Variants in MAP2K2 observed in about 807,000 individuals in gnomAD.
The protein encoded by MAP2K2 is dual specificity mitogen-activated protein kinase kinase 2.
A neutral mutation model predicts 43.7 loss-of-function variants in MAP2K2; 24 were observed. That is an observed-to-expected ratio of 0.55 (90% CI 0.40 to 0.77). The LOEUF (loss-of-function observed/expected upper bound fraction) is 0.77, where lower values mean the gene tolerates loss of function less well. MAP2K2 is among the 30% of genes least tolerant of loss of function. The pLI is 0.00. For missense variants in MAP2K2, 470 were observed against 566.8 expected (o/e 0.83, Z 1.73); for synonymous variants, 244 against 239.7 (o/e 1.02, Z -0.17).
chr19:4,092,832 G>A (rs1308439213), intron 10 of MAP2K2, among the ~76,000 whole-genome samples: 1 of 152,178 alleles, frequency 6.6e-6, no homozygotes, highest in Non-Finnish European at 1.5e-5. Flanking sequence ...AGCCCTCTGG[G>A]AGGCCAAGGT....
chr19:4,103,885 G>A (rs1482483919), intron 3 of MAP2K2, among the ~76,000 whole-genome samples: 3 of 152,194 alleles, frequency 2.0e-5, no homozygotes, highest in East Asian at 1.9e-4. Flanking sequence ...GTGCCAGGAC[G>A]GGAGCTCCAG....
chr19:4,104,255 ACTC>A (rs375090707), intron 3 of MAP2K2, among the ~76,000 whole-genome samples: 14 of 136,976 alleles, frequency 1.0e-4, no homozygotes, highest in African/African-American at 3.7e-4. Flanking sequence ...AGAGAGCAAG[ACTC>A]CTCAATTAAA....
chr19:4,102,620 G>T, intron 3 of MAP2K2, 167 bp from the exon 4 acceptor site: 1 of 897,448 alleles, frequency 1.1e-6, no homozygotes, highest in Non-Finnish European at 1.8e-6. Context: ...TGACAGTTCT[G>T]CCTTTGGGTC....
intron 3 of MAP2K2, among the ~76,000 whole-genome samples, chr19:4,105,119 C>T (rs1033147565): frequency 2.0e-5 from 3 of 151,320 alleles, no homozygotes; most frequent in Admixed American, 6.6e-5. Flanking sequence ...ACTGCTGACC[C>T]CAAATCTCAC....
chr19:4,114,407 T>C (rs553378225), intron 2 of MAP2K2, among the ~76,000 whole-genome samples: 1 of 152,278 alleles, frequency 6.6e-6, no homozygotes, highest in East Asian at 1.9e-4. Flanking sequence ...GAGGTGGCCT[T>C]GGGCAGGCCG....
intron 3 of MAP2K2, among the ~76,000 whole-genome samples, chr19:4,107,534 A>C (rs955270166): frequency 2.7e-5 from 4 of 150,794 alleles, no homozygotes; most frequent in African/African-American, 4.9e-5. Context: ...AAAAAAAAAA[A>C]AAAAAAAAAA....
At chr19:4,096,024 TG>T (rs201650826) in intron 8 of MAP2K2, among the ~76,000 whole-genome samples, 2,789 of 152,276 alleles carry the variant, frequency 0.018, 79 homozygotes, top group African/African-American at 0.064. Context: ...ATCCACCCAC[TG>T]TGGCCTCCCA....
At position 4,117,058 on chromosome 19, in the gene MAP2K2, C is replaced by T. The variant is rs146660571; in HGVS notation, c.303+361G>A. 4.6e-5 allele frequency among the ~76,000 whole-genome samples: 7 copies of T among 152,360 alleles called. No homozygotes were observed. The East Asian group carries it at 1.4e-3, about 29-fold the overall frequency. ...GAGCCATCGCCCTGAGGTGGCTGTA[C>T]ACATAGGCGCAAACACACACACGCT... On this transcript the variant is annotated intron_variant, in intron 2 of 10. Coordinates refer to ENST00000262948, the MANE Select transcript of MAP2K2 (RefSeq NM_030662.4).
intron 8 of MAP2K2, among the ~76,000 whole-genome samples, chr19:4,096,449 G>A (rs939965577): frequency 6.6e-6 from 1 of 152,224 alleles, no homozygotes; most frequent in African/African-American, 2.4e-5. Context: ...TGGTCACGTG[G>A]CCAACAGGAC....
chr19:4,091,737 C>T (rs1180550838), intron 10 of MAP2K2, among the ~76,000 whole-genome samples: 1 of 152,122 alleles, frequency 6.6e-6, no homozygotes, highest in African/African-American at 2.4e-5. Context: ...TAACCTCTGC[C>T]TCCCAGGTTC....
At chr19:4,102,318 TG>T (rs2145057151) in intron 4 of MAP2K2, 57 bp downstream of exon 4, 1 of 1,434,426 alleles carries the variant, frequency 7.0e-7, no homozygotes, top group Non-Finnish European at 9.5e-7. Context: ...CCTGGCCGTG[TG>T]GAAGAGGTCC....
At chr19:4,093,176 C>A (rs1003226007) in intron 10 of MAP2K2, among the ~76,000 whole-genome samples, 12 of 151,864 alleles carry the variant, frequency 7.9e-5, no homozygotes, top group Admixed American at 5.2e-4. Context: ...CGAGATCGTA[C>A]CACTGCACTC....
rs766943752 is a variant in MAP2K2, at chr19:4,101,285, A to G, written c.529-5T>C. The G allele has an allele frequency of 5.1e-6, 8 of 1,577,410 alleles. 2 individuals carry two copies. In the Middle Eastern group the frequency reaches 1.0e-3, roughly 197 times the overall value. Reference sequence around the variant, plus strand: ...GTACGCCAAGCCCCGGAGAACCTGCAGGGGAGCGCGGAGGGAGTCACGGGA... The same window carrying G: ...GTACGCCAAGCCCCGGAGAACCTGCGGGGGAGCGCGGAGGGAGTCACGGGA... On this transcript the variant is annotated splice_polypyrimidine_tract_variant and splice_region_variant and intron_variant, in intron 4 of 10. Coordinates refer to ENST00000262948, the MANE Select transcript of MAP2K2 (RefSeq NM_030662.4). This position sits in a 1 kb window ranked among gnomAD's most constrained non-coding sequence, Gnocchi z 6.3.
At chr19:4,098,876 T>G (rs1311085706) in intron 7 of MAP2K2, among the ~76,000 whole-genome samples, 1 of 152,272 alleles carries the variant, frequency 6.6e-6, no homozygotes, top group Non-Finnish European at 1.5e-5. Flanking sequence ...CTTCCACTTT[T>G]CTGTGCGTTT....
rs2145080479 is a variant in MAP2K2 at position 4,117,547 on chromosome 19, T to A, written c.175A>T (p.Thr59Ser). The A allele has an allele frequency of 6.2e-7, 1 of 1,614,130 alleles. No individual in the cohort carries two copies. Among genetic ancestry groups the A allele is most frequent in the Non-Finnish European group, 8.5e-7 (1 of 1,180,022 alleles). Residue 59 changes from threonine to serine, a missense_variant, in exon 2 of 11, where the codon ACC becomes TCC. Around this residue, in one of 3 missense-constraint regions of MAP2K2, gnomAD observed 200 missense variants for 297.9 expected, o/e 0.67. Coordinates refer to ENST00000262948, the MANE Select transcript of MAP2K2 (RefSeq NM_030662.4). ...QQKKRLEAFL[T>S]QKAKVGELKD... is the part of the protein sequence containing the mutation. The stretch of plus-strand genomic sequence containing the variant: ...AGTTCGCCGACCTTGGCTTTCTGGG[T>A]GAGAAAGGCTTCCAGCCGCTTCTTC...
In MAP2K2 at chr19:4,099,825, C is replaced by G. The variant is rs970720077; in HGVS notation, c.706-411G>C. 4 of 279,236 alleles carry G rather than the reference C, an allele frequency of 1.4e-5. No individual in the cohort carries two copies. In the South Asian group the frequency reaches 2.6e-4, roughly 18 times the overall value. 17.3% of individuals were successfully genotyped at this position (279,236 alleles called of 1,614,324 possible). ...TCCAATTCCTTGGTCCAGAAATTAA[C>G]TAAGGGCCGGGTGCAGTGGCCCATG... On this transcript the variant is annotated intron_variant, in intron 6 of 10. Coordinates refer to ENST00000262948, the MANE Select transcript of MAP2K2 (RefSeq NM_030662.4).
chr19:4,094,412 C>A (rs568914123), intron 10 of MAP2K2, 41 bp downstream of exon 10: 24 of 1,548,938 alleles, frequency 1.5e-5, no homozygotes, highest in African/African-American at 9.6e-5. Flanking sequence ...TGGGTGGCAG[C>A]CTGCACCCTC....
chr19:4,120,726 C>T (rs566582930), intron 1 of MAP2K2, among the ~76,000 whole-genome samples: 3 of 152,276 alleles, frequency 2.0e-5, no homozygotes, highest in African/African-American at 7.2e-5. Flanking sequence ...TACTGGCAAC[C>T]CAACTGTGGT....
chr19:4,103,249 G>C (rs953307309), intron 3 of MAP2K2: 3 of 985,562 alleles, frequency 3.0e-6, no homozygotes, highest in African/African-American at 3.5e-5. Context: ...CTGGTCCCCG[G>C]GTGTGGCCCC....
Sources: gnomAD v4.1 joint callset for allele counts (sites outside exome capture counted in the v4.1 genomes callset) on GRCh38, gnomAD v4.1.1 for gene constraint, gnomAD v4.1.1 regional missense constraint, Gnocchi (gnomAD v3.1) non-coding constraint, MANE v1.5 for transcripts, NCBI Gene and HGNC (gene_info 2026-07-23, HGNC 2026-07-21) for gene names.